B4GALT5: variants seen among roughly 807,000 people sequenced by gnomAD.
B4GALT5 encodes beta-1,4-galactosyltransferase 5.
B4GALT5 carries 11 observed loss-of-function variants against 45.0 expected under a neutral mutation model. That is an observed-to-expected ratio of 0.24 (90% CI 0.15 to 0.40). The LOEUF (loss-of-function observed/expected upper bound fraction) is 0.40, where lower values mean the gene tolerates loss of function less well. Among genes scored for constraint, B4GALT5 ranks in the 10% least tolerant of loss-of-function variants. B4GALT5 has a pLI of 1.00. For missense variants in B4GALT5, 337 were observed against 500.2 expected (o/e 0.67, Z 3.11); for synonymous variants, 185 against 182.9 (o/e 1.01, Z -0.09).
chr20:49,706,132 T>C (rs1343898404), intron 1 of B4GALT5, among the ~76,000 whole-genome samples: 1 of 149,698 alleles, frequency 6.7e-6, no homozygotes, highest in African/African-American at 2.5e-5. Flanking sequence ...GAGGCGGAGG[T>C]TGCAGTGAGC....
intron 7 of B4GALT5, among the ~76,000 whole-genome samples, 200 bp from the exon 8 acceptor site, chr20:49,637,642 G>A (rs947677763): frequency 2.0e-5 from 3 of 151,958 alleles, no homozygotes; most frequent in Non-Finnish European, 2.9e-5. Flanking sequence ...TTATGTGAAC[G>A]GAAAAAATAG....
At chr20:49,706,672 T>C (rs901797058) in intron 1 of B4GALT5, among the ~76,000 whole-genome samples, 3 of 152,130 alleles carry the variant, frequency 2.0e-5, no homozygotes, top group African/African-American at 7.2e-5. Flanking sequence ...ACAACTGCCC[T>C]TTTCCCCACA....
intron 2 of B4GALT5, among the ~76,000 whole-genome samples, chr20:49,650,477 A>C (rs1215217523): frequency 1.1e-3 from 131 of 122,022 alleles, no homozygotes; most frequent in East Asian, 5.7e-3. Context: ...AAAAAAAAAA[A>C]AACACAAAAA....
At position 49,639,613 on chromosome 20, in the gene B4GALT5, G is replaced by A. The variant is rs188438019; in HGVS notation, c.917+65C>T. The A allele has an allele frequency of 5.8e-3, 9,126 of 1,581,964 alleles. 30 individuals are homozygous for A. Among genetic ancestry groups the A allele is most frequent in the Non-Finnish European group, 7.3e-3 (8,437 of 1,160,430 alleles). ...ACATGGCTTGCATTATATTCCTATC[G>A]GATAGTATTGGTCTGCAGTCTAAGG... is the stretch of plus-strand genomic sequence containing the variant. On this transcript the variant is annotated intron_variant, in intron 7 of 8. Transcript: ENST00000371711.
chr20:49,680,222 G>A (rs1220656359), intron 1 of B4GALT5, among the ~76,000 whole-genome samples: 1 of 152,154 alleles, frequency 6.6e-6, no homozygotes, highest in African/African-American at 2.4e-5. Context: ...GGGCTGAAGA[G>A]CCATTTCAAC....
rs1389650655 is a variant in B4GALT5, at chr20:49,635,430, G to C, written c.*882C>G. 1 of 136,268 alleles carries C rather than the reference G, an allele frequency of 7.3e-6. No homozygotes were observed. The highest frequency in any genetic ancestry group is 1.7e-5 in the Non-Finnish European group (1 of 60,280). The allele number at this position is 136,268 out of a possible 1,614,324, so 8.4% of individuals were successfully genotyped here. A position where few individuals can be genotyped will look rare whatever the true frequency, so the allele number is the denominator to read the frequency against. On this transcript the variant is annotated 3_prime_UTR_variant, in exon 9 of 9. Transcript: ENST00000371711. ...AGAGTGAATCCAGAGCAGAAGTCAA[G>C]GGCAAGACTCGTGGGGGGGGGAAGA...
intron 1 of B4GALT5, among the ~76,000 whole-genome samples, chr20:49,666,558 G>A (rs931603011): frequency 1.3e-5 from 2 of 152,276 alleles, no homozygotes; most frequent in African/African-American, 4.8e-5. Context: ...AAAGAACAGG[G>A]AAAAGGGAAG....
At chr20:49,701,479 G>GA (rs1189049678) in intron 1 of B4GALT5, among the ~76,000 whole-genome samples, 13 of 151,208 alleles carry the variant, frequency 8.6e-5, no homozygotes, top group South Asian at 4.2e-4. Context: ...AAGGATAACA[G>GA]AAAAAAAAAC....
intron 1 of B4GALT5, among the ~76,000 whole-genome samples, chr20:49,657,747 T>G (rs1601253751): frequency 1.3e-5 from 2 of 152,368 alleles, no homozygotes; most frequent in East Asian, 3.9e-4. Context: ...GGATGTGGAT[T>G]CCGGCTCTTT....
chr20:49,685,968 C>T (rs1358351223), intron 1 of B4GALT5, among the ~76,000 whole-genome samples: 2 of 151,564 alleles, frequency 1.3e-5, no homozygotes, highest in Non-Finnish European at 2.9e-5. Context: ...AGAGGGATTT[C>T]TCCTTTCTCC....
Position 49,668,722 on chromosome 20 carries a change from C to T in B4GALT5, c.116-12020G>A, listed in dbSNP as rs569481237. Reference sequence around the variant, plus strand: ...AACAAAGGCTCTGCTCCCCTCACCTCCGCACCCCCTCGTCCTAATCTCTGT... The same window carrying T: ...AACAAAGGCTCTGCTCCCCTCACCTTCGCACCCCCTCGTCCTAATCTCTGT... On this transcript the variant is annotated intron_variant, in intron 1 of 8. Transcript: ENST00000371711. 5.9e-5 allele frequency among the ~76,000 whole-genome samples: 9 copies of T among 152,188 alleles called. No individual in the cohort carries two copies. In the South Asian group the frequency reaches 1.9e-3, roughly 32 times the overall value.
intron 1 of B4GALT5, among the ~76,000 whole-genome samples, chr20:49,696,444 T>G (rs955998223): frequency 2.0e-5 from 3 of 152,216 alleles, no homozygotes; most frequent in African/African-American, 7.2e-5. Context: ...ACATTATCGG[T>G]AAAGACAGCA....
At chr20:49,687,215 A>G (rs1275603898) in intron 1 of B4GALT5, among the ~76,000 whole-genome samples, 2 of 152,246 alleles carry the variant, frequency 1.3e-5, no homozygotes, top group Non-Finnish European at 2.9e-5. Flanking sequence ...GCATGTCAAC[A>G]GTGCCAAGGT....
At chr20:49,700,537 C>T (rs1038747466) in intron 1 of B4GALT5, among the ~76,000 whole-genome samples, 44 of 151,694 alleles carry the variant, frequency 2.9e-4, no homozygotes, top group African/African-American at 9.9e-4. Context: ...TGGGCTTAAG[C>T]GATCCTCCAG....
At chr20:49,656,791 T>A (rs942619003) in intron 1 of B4GALT5, 89 bp from the exon 2 acceptor site, 1 of 1,553,320 alleles carries the variant, frequency 6.4e-7, no homozygotes, top group African/African-American at 1.4e-5. Flanking sequence ...TTTTTTTCTT[T>A]TTGGACTTTT....
chr20:49,706,386 G>A (rs8183642), intron 1 of B4GALT5, among the ~76,000 whole-genome samples: 2,446 of 152,202 alleles, frequency 0.016, 39 homozygotes, highest in East Asian at 0.083. Context: ...CACATTGTAT[G>A]TGCTTCAGGA....
At chr20:49,690,950 T>G (rs1487273029) in intron 1 of B4GALT5, among the ~76,000 whole-genome samples, 1 of 152,192 alleles carries the variant, frequency 6.6e-6, no homozygotes, top group Non-Finnish European at 1.5e-5. Flanking sequence ...GATTGCTGCC[T>G]CTACTGTGAA....
rs964546556 is a variant in B4GALT5, at chr20:49,713,557, T to G, written c.115+19A>C. On this transcript the variant is annotated intron_variant, in intron 1 of 8. Coordinates refer to ENST00000371711, the MANE Select transcript of B4GALT5 (RefSeq NM_004776.4). ...AAGGCCAGAGCGGCAGCCGCCGCGGTCCCAAGCCCCCTTCCTACCTATGCC... is the reference window on the plus strand; with the variant it reads ...AAGGCCAGAGCGGCAGCCGCCGCGGGCCCAAGCCCCCTTCCTACCTATGCC... The G allele has an allele frequency of 9.2e-5, 142 of 1,551,234 alleles. No homozygotes were observed. The highest frequency in any genetic ancestry group is 1.2e-4 in the Non-Finnish European group (136 of 1,148,024).
intron 1 of B4GALT5, among the ~76,000 whole-genome samples, chr20:49,674,949 G>T (rs1472675204): frequency 6.6e-6 from 1 of 152,120 alleles, no homozygotes; most frequent in Non-Finnish European, 1.5e-5. Flanking sequence ...TCTGGAACCT[G>T]CTAAGATCTC....
Sources: allele counts gnomAD v4.1 joint callset (sites outside exome capture counted in the v4.1 genomes callset), GRCh38; gene constraint gnomAD v4.1.1; transcripts MANE v1.5; gene names NCBI Gene and HGNC (gene_info 2026-07-23, HGNC 2026-07-21).